Variants in PDZRN3 observed in about 807,000 individuals in gnomAD.
PDZRN3 encodes the protein PDZ domain containing ring finger 3.
A neutral mutation model predicts 85.7 loss-of-function variants in PDZRN3; 38 were observed. The ratio of observed to expected loss-of-function variants is 0.44; its 90% CI spans 0.34 to 0.58. The LOEUF (loss-of-function observed/expected upper bound fraction) is 0.58. Ranked by LOEUF, PDZRN3 falls within the 20% of genes least tolerant of loss-of-function variation. The pLI is 0.01. For missense variants in PDZRN3, 1,629 were observed against 1,506.4 expected (o/e 1.08, Z -1.35); for synonymous variants, 759 against 638.0 (o/e 1.19, Z -2.86).
At chr3:73,620,940 G>A (rs1222319398) in intron 1 of PDZRN3, among the ~76,000 whole-genome samples, 1 of 152,232 alleles carries the variant, frequency 6.6e-6, no homozygotes, top group African/African-American at 2.4e-5. Flanking sequence ...TTTAGACAAT[G>A]ACCAGTGAAA....
chr3:73,485,670 A>C (rs1257861223), intron 3 of PDZRN3, among the ~76,000 whole-genome samples: 1 of 152,228 alleles, frequency 6.6e-6, no homozygotes, highest in Non-Finnish European at 1.5e-5. Context: ...AGGAAATGCT[A>C]ATTTTAAACT....
At chr3:73,451,539 A>G (rs544536168) in intron 3 of PDZRN3, among the ~76,000 whole-genome samples, 9 of 152,344 alleles carry the variant, frequency 5.9e-5, no homozygotes, top group African/African-American at 1.7e-4. Flanking sequence ...CACTTTGGTC[A>G]TGGTGCAAAG....
intron 3 of PDZRN3, among the ~76,000 whole-genome samples, chr3:73,555,351 A>G (rs1048420654): frequency 6.6e-6 from 1 of 152,212 alleles, no homozygotes; most frequent in African/African-American, 2.4e-5. Context: ...AAAACAACAA[A>G]TAAAACAGCT....
chr3:73,508,299 T>A (rs565389301), intron 3 of PDZRN3, among the ~76,000 whole-genome samples: 41 of 152,282 alleles, frequency 2.7e-4, no homozygotes, highest in African/African-American at 9.4e-4. Flanking sequence ...AAGGAAGACC[T>A]CCCTCCACCT....
chr3:73,455,263 G>C (rs1702956200), intron 3 of PDZRN3, among the ~76,000 whole-genome samples: 1 of 152,034 alleles, frequency 6.6e-6, no homozygotes. Flanking sequence ...AAGAACTCTT[G>C]CCAACAATAT....
chr3:73,500,573 C>G (rs540567469), intron 3 of PDZRN3, among the ~76,000 whole-genome samples: 2 of 152,284 alleles, frequency 1.3e-5, no homozygotes, highest in East Asian at 3.9e-4. Context: ...CCTCTTAAAA[C>G]ACAGCCTTAA....
intron 3 of PDZRN3, among the ~76,000 whole-genome samples, chr3:73,424,594 A>G (rs1432909061): frequency 6.6e-6 from 1 of 151,744 alleles, no homozygotes; most frequent in African/African-American, 2.4e-5. Context: ...ACAAACTGGG[A>G]AATGTTTACA....
At chr3:73,469,946 G>A (rs1029463800) in intron 3 of PDZRN3, among the ~76,000 whole-genome samples, 15 of 152,176 alleles carry the variant, frequency 9.9e-5, no homozygotes, top group African/African-American at 3.1e-4. Flanking sequence ...AGTTCAATGT[G>A]CTGTACGTTG....
intron 3 of PDZRN3, among the ~76,000 whole-genome samples, chr3:73,464,515 A>G (rs547438000): frequency 6.6e-6 from 1 of 152,260 alleles, no homozygotes; most frequent in Admixed American, 6.5e-5. Flanking sequence ...AAGATTTTCT[A>G]TGTTGGTAAT....
chr3:73,507,945 T>C (rs1419936747), intron 3 of PDZRN3, among the ~76,000 whole-genome samples: 1 of 151,780 alleles, frequency 6.6e-6, no homozygotes, highest in Non-Finnish European at 1.5e-5. Flanking sequence ...ATACAAAAAT[T>C]AGCCAGGCAT....
rs189788178 is a variant in PDZRN3 at position 73,484,911 on chromosome 3, C to T, written c.919-80516G>A. On this transcript the variant is annotated intron_variant, in intron 3 of 9. Transcript: ENST00000263666. ...CTTTTTGAGCAGACTGGGAGGCACCCGAAACCAGGGCGAGCCAACCTTCTC... is the reference window on the plus strand; with the variant it reads ...CTTTTTGAGCAGACTGGGAGGCACCTGAAACCAGGGCGAGCCAACCTTCTC... Among the ~76,000 whole-genome samples, 62 of 152,186 alleles carry T rather than the reference C, an allele frequency of 4.1e-4. No homozygotes were observed. In the East Asian group the frequency reaches 0.01, roughly 25 times the overall value.
chr3:73,548,513 C>G (rs990029943), intron 3 of PDZRN3, among the ~76,000 whole-genome samples: 1 of 152,302 alleles, frequency 6.6e-6, no homozygotes, highest in Non-Finnish European at 1.5e-5. Flanking sequence ...GACTGTCTTG[C>G]GGAGAGCTCA....
rs1038747091 is a variant in PDZRN3 at position 73,438,303 on chromosome 3, A to T, written c.919-33908T>A. ...TCCATAAGTCATCAGGGTGCTACAG[A>T]CAGTCAGCAGATGTAGACATGAACT... On this transcript the variant is annotated intron_variant, in intron 3 of 9. Transcript: ENST00000263666. Among the ~76,000 whole-genome samples, 4 of 152,256 alleles carry T rather than the reference A, an allele frequency of 2.6e-5. No individual in the cohort carries two copies. In the East Asian group the frequency reaches 7.7e-4, roughly 29 times the overall value.
Position 73,402,960 on chromosome 3 carries a change from T to TTTTTTTTTTG in PDZRN3, c.1166+1187_1166+1188insCAAAAAAAAA, listed in dbSNP as rs1429244382. Among the ~76,000 whole-genome samples the TTTTTTTTTTG allele has an allele frequency of 8.1e-5, 8 of 98,942 alleles. 1 individual carries two copies. The highest frequency in any genetic ancestry group is 2.9e-4 in the African/African-American group (8 of 27,158). 64.9% of individuals were successfully genotyped at this position (98,942 alleles called of 152,430 possible). A position where few individuals can be genotyped will look rare whatever the true frequency, so the allele number is the denominator to read the frequency against. Reference sequence around the variant, plus strand: ...GAAAAGCTTTTTTTTTTTTTTTTTTTTGAGACGGAGTCTCGCTCTGTTGCC... The same window carrying TTTTTTTTTTG: ...GAAAAGCTTTTTTTTTTTTTTTTTTTTTTTTTTTTGTGAGACGGAGTCTCGCTCTGTTGCC... On this transcript the variant is annotated intron_variant, in intron 4 of 9. Transcript: ENST00000263666.
intron 3 of PDZRN3, among the ~76,000 whole-genome samples, chr3:73,528,729 G>A (rs1704581645): frequency 6.6e-6 from 1 of 152,074 alleles, no homozygotes; most frequent in Non-Finnish European, 1.5e-5. Context: ...TGGTGAAACA[G>A]CATGAACTAG....
rs530796002 is a variant in PDZRN3 at position 73,573,613 on chromosome 3, G to A, written c.918+28741C>T. On this transcript the variant is annotated intron_variant, in intron 3 of 9. Transcript: ENST00000263666. ...CCAAAGCTGAAAACATTTACCATCT[G>A]GCTCTTTACAGGAAAAGTTTGCCAA... is the stretch of plus-strand genomic sequence containing the variant. Among the ~76,000 whole-genome samples the A allele has an allele frequency of 5.3e-5, 8 of 152,208 alleles. No individual in the cohort carries two copies. In the South Asian group the frequency reaches 8.3e-4, roughly 16 times the overall value.
At chr3:73,513,983 G>A (rs6794128) in intron 3 of PDZRN3, among the ~76,000 whole-genome samples, 76,522 of 152,060 alleles carry the variant, frequency 0.5, 19,497 homozygotes, top group East Asian at 0.62. Context: ...GGCTGCCACT[G>A]TCAAACAAAA....
At chr3:73,488,906 G>A (rs1260091165) in intron 3 of PDZRN3, among the ~76,000 whole-genome samples, 1 of 152,222 alleles carries the variant, frequency 6.6e-6, no homozygotes, top group African/African-American at 2.4e-5. Context: ...TCCTTGGTGG[G>A]GCCTGGGAGA....
chr3:73,397,042 T>C lies in PDZRN3; in HGVS notation c.1254+3880A>G, dbSNP rs569310452. 1.3e-3 allele frequency among the ~76,000 whole-genome samples: 199 copies of C among 151,684 alleles called. 2 individuals carry two copies. The highest frequency in any genetic ancestry group is 4.7e-3 in the African/African-American group (194 of 41,452). ...ATTTCTTTCTTCTTTTTCTTTCTTTTTTTTTTTTTGAGACAGAGTCTTGCT... is the reference window on the plus strand; with the variant it reads ...ATTTCTTTCTTCTTTTTCTTTCTTTCTTTTTTTTTGAGACAGAGTCTTGCT... On this transcript the variant is annotated intron_variant, in intron 5 of 9. Coordinates refer to ENST00000263666, the MANE Select transcript of PDZRN3 (RefSeq NM_015009.3).
Sources: allele counts gnomAD v4.1 joint callset (sites outside exome capture counted in the v4.1 genomes callset), GRCh38; gene constraint gnomAD v4.1.1; transcripts MANE v1.5; gene names NCBI Gene and HGNC (gene_info 2026-07-23, HGNC 2026-07-21).